Variants in TMEM272 observed in about 807,000 individuals in gnomAD.
The protein encoded by TMEM272 is long intergenic non-protein coding RNA 282.
In TMEM272, 8 loss-of-function variants were observed where a neutral mutation model predicts 3.7. That is an observed-to-expected ratio of 2.17 (90% confidence interval 1.27 to 3.91). The LOEUF (loss-of-function observed/expected upper bound fraction) is 3.91, where lower values mean the gene tolerates loss of function less well. TMEM272 is among the 30% of genes most tolerant of loss of function. The pLI, the probability that TMEM272 is intolerant of heterozygous loss-of-function variation, is 0.00. For synonymous variants in TMEM272, 63 were observed against 39.8 expected (o/e 1.58, Z -2.20); for missense variants, 166 against 91.5 (o/e 1.81, Z -3.32).
chr13:51,908,855 A>G, the TMEM272 span: 1 of 1,434,504 alleles, frequency 7.0e-7, no homozygotes, highest in African/African-American at 1.4e-5. Context: ...ACAGGGGCCC[A>G]GTGTCAGAAG....
At chr13:51,885,306 TAA>T in the TMEM272 span, among the ~76,000 whole-genome samples, 1 of 152,148 alleles carries the variant, frequency 6.6e-6, no homozygotes, top group Non-Finnish European at 1.5e-5. Flanking sequence ...AATTTATAAA[TAA>T]AAGAGGTTTA....
chr13:51,859,894 A>T, the TMEM272 span, among the ~76,000 whole-genome samples: 1 of 148,608 alleles, frequency 6.7e-6, no homozygotes, highest in Non-Finnish European at 1.5e-5. Context: ...CTGTTATTCT[A>T]TTTTTTTTTT....
the TMEM272 span, among the ~76,000 whole-genome samples, chr13:51,911,710 G>A: frequency 1.3e-5 from 2 of 152,140 alleles, no homozygotes; most frequent in Non-Finnish European, 2.9e-5. Context: ...TGCTCTAAGC[G>A]TGGGCCCACG....
the TMEM272 span, among the ~76,000 whole-genome samples, chr13:51,884,578 C>T: frequency 6.6e-6 from 1 of 152,194 alleles, no homozygotes; most frequent in Non-Finnish European, 1.5e-5. Context: ...TGACTCCTGA[C>T]CCCTCCACCT....
chr13:51,874,926 G>T, the TMEM272 span, among the ~76,000 whole-genome samples: 3 of 152,220 alleles, frequency 2.0e-5, no homozygotes, highest in Non-Finnish European at 4.4e-5. Context: ...ACTGGGGTTG[G>T]ATTGCTAGGG....
chr13:51,829,365 CT>C (rs1369438814), intron 2 of TMEM272, among the ~76,000 whole-genome samples: 2 of 152,172 alleles, frequency 1.3e-5, no homozygotes, highest in Non-Finnish European at 2.9e-5. Flanking sequence ...ATTTTAGTCC[CT>C]TGAACAGTGC....
chr13:51,821,399 T>C (rs1461150915), intron 4 of TMEM272, among the ~76,000 whole-genome samples: 1 of 152,188 alleles, frequency 6.6e-6, no homozygotes, highest in Non-Finnish European at 1.5e-5. Flanking sequence ...ACGCCCCTGA[T>C]ATTTCTTCTT....
At chr13:51,895,030 T>C in the TMEM272 span, among the ~76,000 whole-genome samples, 1 of 152,252 alleles carries the variant, frequency 6.6e-6, no homozygotes, top group Non-Finnish European at 1.5e-5. Flanking sequence ...GAGAATCTAA[T>C]GCCACTGCTG....
chr13:51,880,275 C>A, the TMEM272 span, among the ~76,000 whole-genome samples: 7 of 129,340 alleles, frequency 5.4e-5, no homozygotes, highest in African/African-American at 1.1e-4. Context: ...TTCCTTTCAC[C>A]AAAAAAAAAA....
the TMEM272 span, among the ~76,000 whole-genome samples, chr13:51,860,203 G>A: frequency 6.6e-6 from 1 of 152,130 alleles, no homozygotes; most frequent in Non-Finnish European, 1.5e-5. Context: ...TGCCTGGCCT[G>A]AAACTGTTAT....
At chr13:51,890,266 T>C in the TMEM272 span, among the ~76,000 whole-genome samples, 1 of 152,196 alleles carries the variant, frequency 6.6e-6, no homozygotes, top group Non-Finnish European at 1.5e-5. Context: ...TGGGGCCTAA[T>C]GGGAGGAGTT....
chr13:51,897,111 T>A, the TMEM272 span, among the ~76,000 whole-genome samples: 310 of 152,264 alleles, frequency 2.0e-3, 4 homozygotes, highest in African/African-American at 7.1e-3. Flanking sequence ...AGAGCACACA[T>A]TGGGTTCATC....
At chr13:51,863,285 G>A in the TMEM272 span, among the ~76,000 whole-genome samples, 1 of 152,072 alleles carries the variant, frequency 6.6e-6, no homozygotes, top group Non-Finnish European at 1.5e-5. Context: ...TTCCTAGGGC[G>A]TTCAGCTTTG....
chr13:51,924,905 G>T, the TMEM272 span, among the ~76,000 whole-genome samples: 1 of 152,172 alleles, frequency 6.6e-6, no homozygotes, highest in Non-Finnish European at 1.5e-5. Context: ...ACTGTATTGT[G>T]GGAGGAGAGA....
upstream of TMEM272, among the ~76,000 whole-genome samples, chr13:51,846,690 A>G (rs1956308253): frequency 6.6e-6 from 1 of 152,196 alleles, no homozygotes; most frequent in African/African-American, 2.4e-5. Context: ...GCCCCTGAAG[A>G]ACTTCCAGTG....
chr13:51,881,957 T>A, the TMEM272 span, among the ~76,000 whole-genome samples: 1 of 152,188 alleles, frequency 6.6e-6, no homozygotes, highest in Non-Finnish European at 1.5e-5. Flanking sequence ...GGTTGTGTGG[T>A]GTTTAAGAGT....
chr13:51,875,374 G>A, the TMEM272 span, among the ~76,000 whole-genome samples: 2 of 152,032 alleles, frequency 1.3e-5, no homozygotes, highest in Non-Finnish European at 2.9e-5. Context: ...ACTTTCATAT[G>A]CCTTTCCCTT....
At chr13:51,931,885 G>A in the TMEM272 span, among the ~76,000 whole-genome samples, 8 of 152,258 alleles carry the variant, frequency 5.3e-5, no homozygotes, top group Non-Finnish European at 1.0e-4. Context: ...ACAGAGATGT[G>A]TAGGTACCAA....
At chr13:51,929,455 G>T in the TMEM272 span, among the ~76,000 whole-genome samples, 1 of 152,156 alleles carries the variant, frequency 6.6e-6, no homozygotes, top group African/African-American at 2.4e-5. Flanking sequence ...ATTTCTAGAT[G>T]CATAAAAAAT....
Sources: gnomAD v4.1 joint callset for allele counts (sites outside exome capture counted in the v4.1 genomes callset) on GRCh38, gnomAD v4.1.1 for gene constraint, MANE v1.5 for transcripts, NCBI Gene and HGNC (gene_info 2026-07-23, HGNC 2026-07-21) for gene names.